The following SFSWAP variants were observed in gnomAD, a reference collection of about 807,000 sequenced individuals.
SFSWAP encodes splicing factor SWAP.
SFSWAP carries 17 observed loss-of-function variants against 100.7 expected under a neutral mutation model. That is an observed-to-expected ratio of 0.17 (90% CI 0.12 to 0.25). The LOEUF (loss-of-function observed/expected upper bound fraction) is 0.25. SFSWAP is among the 10% of genes least tolerant of loss of function. SFSWAP has a pLI of 1.00. For missense variants in SFSWAP, 1,005 were observed against 1,262.6 expected, an observed-to-expected ratio of 0.80 and a Z score of 3.09; for synonymous variants, 504 against 510.1, an observed-to-expected ratio of 0.99 and a Z score of 0.16.
chr12:131,771,195 T>G (rs907089769), intron 13 of SFSWAP, among the ~76,000 whole-genome samples: 1 of 152,260 alleles, frequency 6.6e-6, no homozygotes, highest in African/African-American at 2.4e-5. Context: ...CTTTTTTCAC[T>G]TACAGTAGAG....
At chr12:131,768,040 C>T (rs923613446) in intron 13 of SFSWAP, among the ~76,000 whole-genome samples, 1 of 152,246 alleles carries the variant, frequency 6.6e-6, no homozygotes, top group African/African-American at 2.4e-5. Context: ...ATTGCATGCG[C>T]GTGCTCGCTC....
rs1441320201 is a variant in SFSWAP at position 131,783,803 on chromosome 12, TATATATA to T, written c.2409-2659_2409-2653del. On this transcript the variant is annotated intron_variant, in intron 14 of 17. Coordinates refer to ENST00000261674, the MANE Select transcript of SFSWAP (RefSeq NM_004592.4). ...CAAAAAAAAACATTTTATATATATA[TATATATA>T]TATATATATATAATTCTTTGTAGAA... 2.9e-4 allele frequency: 38 copies of T among 129,800 alleles called. 2 individuals are homozygous for T. Among genetic ancestry groups the T allele is most frequent in the African/African-American group, 1.0e-3 (38 of 38,186 alleles). The allele number at this position is 129,800 out of a possible 1,614,324, so 8.0% of individuals were successfully genotyped here. A position where few individuals can be genotyped will look rare whatever the true frequency, so the allele number is the denominator to read the frequency against.
At chr12:131,759,670 G>A (rs566422468) in intron 11 of SFSWAP, among the ~76,000 whole-genome samples, 14 of 152,050 alleles carry the variant, frequency 9.2e-5, no homozygotes, top group African/African-American at 3.1e-4. Flanking sequence ...GCGTGGTGGC[G>A]GGCGCCTGTA....
chr12:131,738,416 T>TG (rs1880247589), intron 7 of SFSWAP, among the ~76,000 whole-genome samples: 1 of 152,244 alleles, frequency 6.6e-6, no homozygotes, highest in South Asian at 2.1e-4. Flanking sequence ...TTGTTATCTG[T>TG]GGAACACAAA....
chr12:131,725,257 T>C lies in SFSWAP; in HGVS notation c.607-148T>C. 1.4e-6 allele frequency: 1 copy of C among 699,276 alleles called. No individual in the cohort carries two copies. Among genetic ancestry groups the C allele is most frequent in the Non-Finnish European group, 2.4e-6 (1 of 408,580 alleles). 43.3% of individuals were successfully genotyped at this position (699,276 alleles called of 1,614,324 possible). On this transcript the variant is annotated intron_variant, in intron 4 of 17. Transcript: ENST00000261674. This position sits in a 1 kb window ranked among gnomAD's most constrained non-coding sequence, Gnocchi z 4.3. ...CCTGTCAAGATTTGGAGATGAGGAG[T>C]CCGAACAGCCTGGGCTCTTCCAGCT...
chr12:131,799,385 G>C, intron 17 of SFSWAP, 38 bp from the exon 18 acceptor site: 2 of 1,603,978 alleles, frequency 1.2e-6, no homozygotes, highest in Non-Finnish European at 1.7e-6. Flanking sequence ...GTCTGGCCAG[G>C]TCTTCACAGG....
In SFSWAP at chr12:131,754,388, C is replaced by G; in HGVS notation, c.1343C>G (p.Ala448Gly). ...TGCAGTGCACTTGCCCCCGTGGCCG[C>G]CATCATCCCCCCGCCCCCCGACGTC... Reference protein sequence around the residue: ...TTTSALAPVAAIIPPPPDVQP... With the variant: ...TTTSALAPVAGIIPPPPDVQP... The change falls in exon 9 of 18, where the codon GCC (alanine) becomes GGC (glycine). Residue 448 changes from alanine to glycine, a missense_variant. By Grantham distance (60) the Ala-to-Gly change is moderately conservative (BLOSUM62 0). This residue lies in a region of SFSWAP where 311 missense variants were observed against 317.8 expected (regional missense o/e 0.98). Coordinates refer to ENST00000261674, the MANE Select transcript of SFSWAP (RefSeq NM_004592.4). 1 of 1,584,366 alleles carries G rather than the reference C, an allele frequency of 6.3e-7. No individual in the cohort carries two copies.
intron 7 of SFSWAP, among the ~76,000 whole-genome samples, chr12:131,731,244 A>G (rs1593122481): frequency 6.6e-6 from 1 of 152,230 alleles, no homozygotes; most frequent in African/African-American, 2.4e-5. Flanking sequence ...CGGGTCCTCC[A>G]GCACCACGCA....
chr12:131,719,624 A>G, intron 4 of SFSWAP, 85 bp downstream of exon 4: 3 of 1,084,058 alleles, frequency 2.8e-6, no homozygotes, highest in Non-Finnish European at 2.8e-6. Flanking sequence ...AATAATGATT[A>G]TAGCTGCTTT....
chr12:131,754,627 CTTT>C (rs869226840), intron 9 of SFSWAP, 128 bp downstream of exon 9: 340 of 80,624 alleles, frequency 4.2e-3, no homozygotes, highest in South Asian at 0.017. Flanking sequence ...GCTCAAATGT[CTTT>C]TTTTTTTTTT....
At chr12:131,756,865 T>A (rs1882225011) in intron 11 of SFSWAP, 2 of 543,788 alleles carry the variant, frequency 3.7e-6, no homozygotes, top group Non-Finnish European at 6.5e-6. Flanking sequence ...TAGGTATGTG[T>A]CTGTTTAACA....
intron 12 of SFSWAP, 83 bp downstream of exon 12, chr12:131,764,769 G>A: frequency 2.1e-6 from 2 of 970,660 alleles, no homozygotes; most frequent in Non-Finnish European, 3.1e-6. Flanking sequence ...AAATCTCGAG[G>A]CTGCCAACTA....
In SFSWAP at chr12:131,719,530, C is replaced by G. The variant is rs762137466; in HGVS notation, c.597C>G (p.Asp199Glu). 1 of 1,612,846 alleles carries G rather than the reference C, an allele frequency of 6.2e-7. No homozygotes were observed. ...VAPLGLSVPSDVELPPTAKMH... is the reference protein window; with the variant it reads ...VAPLGLSVPSEVELPPTAKMH... ...CCTTAGGATTGAGCGTCCCGTCTGACGTGGAGTTGGTATGTGTCCTGCATG... is the reference window on the plus strand; with the variant it reads ...CCTTAGGATTGAGCGTCCCGTCTGAGGTGGAGTTGGTATGTGTCCTGCATG... The change falls in exon 4 of 18, where the codon GAC (aspartate) becomes GAG (glutamate). Residue 199 changes from aspartate (D) to glutamate (E), a missense_variant. Physicochemically the swap from Asp to Glu is conservative, Grantham distance 45. This residue lies in a region of SFSWAP where 237 missense variants were observed against 337.0 expected (regional missense o/e 0.70). Transcript: ENST00000261674.
chr12:131,780,320 C>T (rs1476240594), intron 14 of SFSWAP, among the ~76,000 whole-genome samples: 2 of 152,092 alleles, frequency 1.3e-5, no homozygotes, highest in Non-Finnish European at 2.9e-5. Flanking sequence ...TTGAAGGCTC[C>T]CAGGAACTTG....
At chr12:131,767,925 G>A (rs566116360) in intron 13 of SFSWAP, among the ~76,000 whole-genome samples, 76 of 152,198 alleles carry the variant, frequency 5.0e-4, no homozygotes, top group African/African-American at 1.6e-3. Flanking sequence ...AATAAAAGTT[G>A]GAAAGAATAA....
chr12:131,767,300 T>G (rs1385592111), intron 13 of SFSWAP, among the ~76,000 whole-genome samples: 1 of 152,288 alleles, frequency 6.6e-6, no homozygotes, highest in African/African-American at 2.4e-5. Flanking sequence ...CTTTTTTTTT[T>G]GTCACATCAA....
At chr12:131,774,616 G>T (rs1236333859) in intron 13 of SFSWAP, among the ~76,000 whole-genome samples, 1 of 152,186 alleles carries the variant, frequency 6.6e-6, no homozygotes, top group Admixed American at 6.5e-5. Flanking sequence ...AAAGGCAGCT[G>T]TGGTTTCTGG....
At chr12:131,717,165 G>A (rs1465879491) in intron 3 of SFSWAP, among the ~76,000 whole-genome samples, 1 of 152,056 alleles carries the variant, frequency 6.6e-6, no homozygotes, top group Non-Finnish European at 1.5e-5. Flanking sequence ...GCCCCATTGA[G>A]CGTCACATTC....
Position 131,778,887 on chromosome 12 carries a change from G to A in SFSWAP, c.2408+557G>A, listed in dbSNP as rs192718424. 3.0e-3 allele frequency among the ~76,000 whole-genome samples: 460 copies of A among 152,054 alleles called. 8 individuals carry two copies. The highest frequency in any genetic ancestry group is 9.0e-3 in the African/African-American group (374 of 41,502). ...AAATTGGTTTGTTTAAATTCTAATG[G>A]TTCCTGGAAGCAAGCCTACCACATT... On this transcript the variant is annotated intron_variant, in intron 14 of 17. Transcript: ENST00000261674. This position sits in a 1 kb window ranked among gnomAD's most constrained non-coding sequence, Gnocchi z 4.2.
Sources: allele counts gnomAD v4.1 joint callset (sites outside exome capture counted in the v4.1 genomes callset), GRCh38; gene constraint gnomAD v4.1.1; regional missense constraint gnomAD v4.1.1; non-coding constraint Gnocchi (gnomAD v3.1); transcripts MANE v1.5; gene names NCBI Gene and HGNC (gene_info 2026-07-23, HGNC 2026-07-21).